The following CEP162 variants were observed in gnomAD, a reference collection of about 807,000 sequenced individuals.
The protein encoded by CEP162 is centrosomal protein of 162 kDa.
In CEP162, 141 loss-of-function variants were observed where a neutral mutation model predicts 169.2. That is an observed-to-expected ratio of 0.83 (90% CI 0.73 to 0.96). The LOEUF (loss-of-function observed/expected upper bound fraction) is 0.96. CEP162 is among the 40% of genes least tolerant of loss of function. CEP162 has a pLI of 0.00. For synonymous variants in CEP162, 540 were observed against 526.4 expected (o/e 1.03, Z -0.35); for missense variants, 1,600 against 1,587.2 (o/e 1.01, Z -0.14).
At chr6:84,176,141 A>G (rs1211131516) in intron 13 of CEP162, among the ~76,000 whole-genome samples, 1 of 151,526 alleles carries the variant, frequency 6.6e-6, no homozygotes, top group Non-Finnish European at 1.5e-5. Flanking sequence ...AGATAAATTA[A>G]GAATTTCAAA....
At chr6:84,154,085 T>C (rs1345316424) in intron 22 of CEP162, among the ~76,000 whole-genome samples, 1 of 152,016 alleles carries the variant, frequency 6.6e-6, no homozygotes, top group Non-Finnish European at 1.5e-5. Context: ...GTTTGGTATA[T>C]ACAGGGAATC....
At chr6:84,191,077 G>A (rs1019448547) in intron 11 of CEP162, among the ~76,000 whole-genome samples, 4 of 151,974 alleles carry the variant, frequency 2.6e-5, no homozygotes, top group African/African-American at 9.7e-5. Context: ...TTGGCACATG[G>A]AATTCACTGG....
At chr6:84,179,108 C>G (rs1466600705) in intron 13 of CEP162, among the ~76,000 whole-genome samples, 1 of 152,142 alleles carries the variant, frequency 6.6e-6, no homozygotes, top group Non-Finnish European at 1.5e-5. Flanking sequence ...GTGAATAGTG[C>G]CGCAATAAAC....
intron 3 of CEP162, among the ~76,000 whole-genome samples, chr6:84,218,233 T>A (rs998944553): frequency 2.0e-5 from 3 of 152,094 alleles, no homozygotes; most frequent in Non-Finnish European, 4.4e-5. Context: ...GGGGACACAG[T>A]AGGTACAGAA....
In CEP162 at chr6:84,201,761, C is replaced by T; in HGVS notation, c.694G>A (p.Glu232Lys). The T allele has an allele frequency of 7.5e-7, 1 of 1,339,194 alleles. No homozygotes were observed. The highest frequency in any genetic ancestry group is 1.0e-6 in the Non-Finnish European group (1 of 969,218). The allele number at this position is 1,339,194 out of a possible 1,614,324, so 83.0% of individuals were successfully genotyped here. Residue 232 changes from glutamate (E) to lysine (K), a missense_variant, in exon 8 of 27, where the codon GAA becomes AAA. Glu to Lys is a moderately conservative substitution (Grantham distance 56, BLOSUM62 1). Coordinates refer to ENST00000403245, the MANE Select transcript of CEP162 (RefSeq NM_014895.4). ...EKISVPKQEE[E>K]KTGMLANVVL... is the part of the protein sequence containing the mutation. ...CCATTAGCAAGCATGCCAGTTTTTT[C>T]TTCTTCCTAAATTAAAAAAGGAAAA...
At chr6:84,135,663 G>A (rs1366159339) in intron 25 of CEP162, among the ~76,000 whole-genome samples, 3 of 152,170 alleles carry the variant, frequency 2.0e-5, no homozygotes, top group Admixed American at 2.0e-4. Flanking sequence ...AGGGGTTCCA[G>A]ACCAGCCTGG....
chr6:84,196,223 G>C (rs1439724749), intron 9 of CEP162, among the ~76,000 whole-genome samples: 4 of 152,154 alleles, frequency 2.6e-5, no homozygotes, highest in Non-Finnish European at 4.4e-5. Context: ...TCATGATAGT[G>C]AACGAGTCTC....
intron 13 of CEP162, among the ~76,000 whole-genome samples, chr6:84,184,940 A>G (rs569259933): frequency 1.3e-5 from 2 of 152,082 alleles, no homozygotes; most frequent in East Asian, 1.9e-4. Context: ...AGCTGAGTGT[A>G]ACTCCATTCT....
chr6:84,171,396 T>C (rs1287173282), intron 17 of CEP162, among the ~76,000 whole-genome samples: 2 of 152,152 alleles, frequency 1.3e-5, no homozygotes, highest in Non-Finnish European at 1.5e-5. Flanking sequence ...AATTCAAATA[T>C]GAATATGCTG....
At chr6:84,140,937 G>A (rs1358397236) in intron 25 of CEP162, among the ~76,000 whole-genome samples, 5 of 152,184 alleles carry the variant, frequency 3.3e-5, no homozygotes, top group Non-Finnish European at 5.9e-5. Flanking sequence ...AAAGAGGGAG[G>A]ATGGTTTTGG....
Position 84,171,694 on chromosome 6 carries a change from C to A in CEP162, c.2191G>T (p.Val731Leu), listed in dbSNP as rs757584139. The A allele has an allele frequency of 6.6e-7, 1 of 1,512,202 alleles. No homozygotes were observed. The highest frequency in any genetic ancestry group is 8.9e-7 in the Non-Finnish European group (1 of 1,125,872). 93.7% of individuals were successfully genotyped at this position (1,512,202 alleles called of 1,614,324 possible). A position where few individuals can be genotyped will look rare whatever the true frequency, so the allele number is the denominator to read the frequency against. Residue 731 changes from valine (V) to leucine (L), a missense_variant, in exon 17 of 27, where the codon GTA becomes TTA. Coordinates refer to ENST00000403245, the MANE Select transcript of CEP162 (RefSeq NM_014895.4). ...TTGTTTTGTTCTTGGAGATCTTTTA[C>A]TTGATTATATAATCGTTCATTTTCC... ...QQENERLYNQ[V>L]KDLQEQNKKN...
chr6:84,202,518 C>CTTTTTT (rs70987776), intron 7 of CEP162, among the ~76,000 whole-genome samples: 21 of 90,742 alleles, frequency 2.3e-4, no homozygotes, highest in Non-Finnish European at 3.2e-4. Context: ...TTCTTTCTTT[C>CTTTTTT]TTTTTTTTTT....
At chr6:84,154,895 C>T (rs1476929905) in intron 22 of CEP162, among the ~76,000 whole-genome samples, 3 of 152,160 alleles carry the variant, frequency 2.0e-5, no homozygotes, top group African/African-American at 7.2e-5. Flanking sequence ...CCCCTACCCG[C>T]TGTTCCTAAA....
At chr6:84,178,818 A>G (rs2099533478) in intron 13 of CEP162, among the ~76,000 whole-genome samples, 1 of 151,760 alleles carries the variant, frequency 6.6e-6, no homozygotes, top group Non-Finnish European at 1.5e-5. Context: ...GCTCCCCCCA[A>G]CCCCACGACA....
At chr6:84,126,149 T>C (rs1431738813) in intron 26 of CEP162, among the ~76,000 whole-genome samples, 3 of 152,104 alleles carry the variant, frequency 2.0e-5, no homozygotes, top group Non-Finnish European at 4.4e-5. Context: ...AAGAACATGA[T>C]ACAAGTTTTT....
At position 84,200,915 on chromosome 6, in the gene CEP162, T is replaced by C. The variant is rs1336518447; in HGVS notation, c.719-10A>G. ...GAATCAAGCAGCACAACTGGAAGAA[T>C]ATAAAAGAAAAATATAAGGAATGTA... On this transcript the variant is annotated splice_polypyrimidine_tract_variant and intron_variant, in intron 8 of 26. Transcript: ENST00000403245. 4 of 1,472,588 alleles carry C rather than the reference T, an allele frequency of 2.7e-6. No homozygotes were observed. Among genetic ancestry groups the C allele is most frequent in the Non-Finnish European group, 3.8e-6 (4 of 1,055,168 alleles). 91.2% of individuals were successfully genotyped at this position (1,472,588 alleles called of 1,614,324 possible). A position where few individuals can be genotyped will look rare whatever the true frequency, so the allele number is the denominator to read the frequency against.
intron 24 of CEP162, 144 bp from the exon 25 acceptor site, chr6:84,146,929 T>C: frequency 2.3e-6 from 1 of 428,204 alleles, no homozygotes; most frequent in Non-Finnish European, 4.1e-6. Context: ...GGAAAAAAAT[T>C]ATAGAGATTT....
chr6:84,177,624 C>T (rs1310063007), intron 13 of CEP162, among the ~76,000 whole-genome samples: 26 of 152,166 alleles, frequency 1.7e-4, no homozygotes, highest in Admixed American at 1.5e-3. Flanking sequence ...CAACCTCCGC[C>T]TCCCAGACTC....
At chr6:84,192,789 C>A (rs987923326) in intron 11 of CEP162, among the ~76,000 whole-genome samples, 1 of 152,208 alleles carries the variant, frequency 6.6e-6, no homozygotes. Flanking sequence ...AACTATATGA[C>A]CTTGGGCAAT....
Sources: gnomAD v4.1 joint callset for allele counts (sites outside exome capture counted in the v4.1 genomes callset) on GRCh38, gnomAD v4.1.1 for gene constraint, MANE v1.5 for transcripts, NCBI Gene and HGNC (gene_info 2026-07-23, HGNC 2026-07-21) for gene names.